The following PHACTR2 variants were observed in gnomAD, a reference collection of about 807,000 sequenced individuals.
The protein encoded by PHACTR2 is phosphatase and actin regulator 2, also known as chromosome 6 open reading frame 56.
A neutral mutation model predicts 76.0 loss-of-function variants in PHACTR2; 30 were observed. That is an observed-to-expected ratio of 0.39 (90% confidence interval 0.30 to 0.54). The LOEUF is 0.54. Among genes scored for constraint, PHACTR2 ranks in the 20% least tolerant of loss-of-function variants. PHACTR2 has a pLI of 0.61. For synonymous variants in PHACTR2, 292 were observed against 292.5 expected, an observed-to-expected ratio of 1.00 and a Z score of 0.02; for missense variants, 696 against 781.1, an observed-to-expected ratio of 0.89 and a Z score of 1.30.
At chr6:143,640,432 A>G (rs1188724796) in intron 1 of PHACTR2, among the ~76,000 whole-genome samples, 1 of 152,216 alleles carries the variant, frequency 6.6e-6, no homozygotes, top group African/African-American at 2.4e-5. Context: ...AAAGACTTAC[A>G]GAGAGACATA....
rs758259551 is a variant in PHACTR2, at chr6:143,753,836, A to G, written c.378A>G (p.Val126=). The G allele has an allele frequency of 1.9e-6, 3 of 1,613,204 alleles. No homozygotes were observed. In the Admixed American group the frequency reaches 5.0e-5, roughly 27 times the overall value. Residue 126 remains valine, a synonymous_variant, in exon 4 of 13, where the codon GTA becomes GTG. Transcript: ENST00000440869. This position sits in a 1 kb window ranked among gnomAD's most constrained non-coding sequence, Gnocchi z 4.6. The part of the protein sequence containing the change: ...IGEESTREEN[V]VKSEEGNGSV... ...AGGAATCTACCCGAGAGGAAAATGT[A>G]GTAAAGTCTGAAGAAGGTAATGGCT... is the stretch of plus-strand genomic sequence containing the variant.
At chr6:143,582,770 A>C (rs1158672269) in intron 1 of PHACTR2, among the ~76,000 whole-genome samples, 1 of 152,172 alleles carries the variant, frequency 6.6e-6, no homozygotes, top group Non-Finnish European at 1.5e-5. Context: ...TAGCTCTCCA[A>C]ATTATTTAGC....
intron 1 of PHACTR2, among the ~76,000 whole-genome samples, chr6:143,637,658 G>C (rs1424483488): frequency 1.3e-5 from 2 of 152,238 alleles, no homozygotes; most frequent in African/African-American, 4.8e-5. Context: ...GTGGAGGCTT[G>C]ACTGGGGAAA....
At position 143,698,910 on chromosome 6, in the gene PHACTR2, C is replaced by A. The variant is rs1336030374; in HGVS notation, c.47-13106C>A. On this transcript the variant is annotated intron_variant, in intron 1 of 12. Coordinates refer to ENST00000440869, the MANE Select transcript of PHACTR2 (RefSeq NM_001100164.2). The surrounding 1 kb of genome is among the most constrained non-coding windows in gnomAD (Gnocchi z 4.3). Reference sequence around the variant, plus strand: ...CTCCTCTCCCTTGGATTGTCCGAACCCTGGGTCTCCTTGGCAACACTGTTG... The same window carrying A: ...CTCCTCTCCCTTGGATTGTCCGAACACTGGGTCTCCTTGGCAACACTGTTG... Among the ~76,000 whole-genome samples, 1 of 152,158 alleles carries A rather than the reference C, an allele frequency of 6.6e-6. No individual in the cohort carries two copies. The highest frequency in any genetic ancestry group is 1.5e-5 in the Non-Finnish European group (1 of 68,040).
rs1045878356 is a variant in PHACTR2 at position 143,653,297 on chromosome 6, T to C, written c.13+44975T>C. 6.6e-6 allele frequency among the ~76,000 whole-genome samples: 1 copy of C among 152,148 alleles called. No individual in the cohort carries two copies. Among genetic ancestry groups the C allele is most frequent in the Non-Finnish European group, 1.5e-5 (1 of 68,028 alleles). ...ACTTGGTTTTTCCACTCTTGTAAAA[T>C]GAAGGCTGCTCTGACTCCTGCCTGC... is the stretch of plus-strand genomic sequence containing the variant. On this transcript the variant is annotated intron_variant, in intron 1 of 11. Coordinates refer to the PHACTR2 transcript ENST00000305766. The surrounding 1 kb of genome is among the most constrained non-coding windows in gnomAD (Gnocchi z 4.9).
At position 143,581,220 on chromosome 6, in the gene PHACTR2, T is replaced by TA. The variant is rs561331301; in HGVS notation, c.217+44014dup. Among the ~76,000 whole-genome samples, 100 of 152,316 alleles carry TA rather than the reference T, an allele frequency of 6.6e-4. No homozygotes were observed. The highest frequency in any genetic ancestry group is 3.4e-3 in the Middle Eastern group (1 of 294). On this transcript the variant is annotated intron_variant, in intron 1 of 11. Transcript: ENST00000367584. The surrounding 1 kb of genome is among the most constrained non-coding windows in gnomAD (Gnocchi z 4.5). ...CTCCGTGTGGACAGGGGATGAGGGT[T>TA]ACCTGGTTTCTGCTCCTTTGACTAT...
Position 143,827,157 on chromosome 6 carries a change from TATA to T in PHACTR2, c.*3469_*3471del, listed in dbSNP as rs1247553423. 9.7e-5 allele frequency: 2 copies of T among 20,550 alleles called. No individual in the cohort carries two copies. Among genetic ancestry groups the T allele is most frequent in the African/African-American group, 2.0e-4 (1 of 5,088 alleles). The allele number at this position is 20,550 out of a possible 1,614,324, so 1.3% of individuals were successfully genotyped here. A position where few individuals can be genotyped will look rare whatever the true frequency, so the allele number is the denominator to read the frequency against. On this transcript the variant is annotated 3_prime_UTR_variant, in exon 13 of 13. Transcript: ENST00000440869. ...GCTGCGTTGGCATTAAAAAAGAAAA[TATA>T]TATATATATATATATATATATATAT... is the stretch of plus-strand genomic sequence containing the variant.
chr6:143,693,652 C>A (rs1562272343), intron 1 of PHACTR2, among the ~76,000 whole-genome samples: 1 of 152,172 alleles, frequency 6.6e-6, no homozygotes, highest in Non-Finnish European at 1.5e-5. Flanking sequence ...CATCCATTGT[C>A]TTTTTTCTGA....
At chr6:143,644,759 GT>G (rs1230383417) in intron 1 of PHACTR2, among the ~76,000 whole-genome samples, 3,084 of 128,952 alleles carry the variant, frequency 0.024, 40 homozygotes, top group Non-Finnish European at 0.028. Flanking sequence ...CTTAGGGTTT[GT>G]TTTTTTTTTT....
In PHACTR2 at chr6:143,751,146, C is replaced by T. The variant is rs140732453; in HGVS notation, c.295+2081C>T. Among the ~76,000 whole-genome samples, 9 of 152,294 alleles carry T rather than the reference C, an allele frequency of 5.9e-5. No homozygotes were observed. The highest frequency in any genetic ancestry group is 1.9e-4 in the East Asian group (1 of 5,186). On this transcript the variant is annotated intron_variant, in intron 3 of 12. Coordinates refer to ENST00000440869, the MANE Select transcript of PHACTR2 (RefSeq NM_001100164.2). The surrounding 1 kb of genome is among the most constrained non-coding windows in gnomAD (Gnocchi z 5.7). ...GTTTGCCTTGATCTTCTTGACCTTGCGTCTGCTCTTGACAGTGCCTGTCCA... is the reference window on the plus strand; with the variant it reads ...GTTTGCCTTGATCTTCTTGACCTTGTGTCTGCTCTTGACAGTGCCTGTCCA...
At chr6:143,538,278 T>C (rs1356041665) in intron 1 of PHACTR2, among the ~76,000 whole-genome samples, 14 of 152,232 alleles carry the variant, frequency 9.2e-5, no homozygotes, top group Non-Finnish European at 1.8e-4. Flanking sequence ...CTTAACCTTG[T>C]CTCTCCTATC....
At chr6:143,587,559 T>A (rs755108680) in intron 1 of PHACTR2, among the ~76,000 whole-genome samples, 2 of 152,202 alleles carry the variant, frequency 1.3e-5, no homozygotes, top group African/African-American at 2.4e-5. Flanking sequence ...GCAAGTGGAA[T>A]GATTAAGTCC....
At chr6:143,785,429 C>T (rs1775533266) in intron 10 of PHACTR2, among the ~76,000 whole-genome samples, 1 of 152,184 alleles carries the variant, frequency 6.6e-6, no homozygotes, top group Non-Finnish European at 1.5e-5. Context: ...GGTACAGCCT[C>T]CCTCTTGGCT....
rs1777744770 is a variant in PHACTR2 at position 143,695,211 on chromosome 6, C to A, written c.47-16805C>A. 6.6e-6 allele frequency among the ~76,000 whole-genome samples: 1 copy of A among 152,190 alleles called. No individual in the cohort carries two copies. Among genetic ancestry groups the A allele is most frequent in the African/African-American group, 2.4e-5 (1 of 41,448 alleles). On this transcript the variant is annotated intron_variant, in intron 1 of 12. Transcript: ENST00000440869. The surrounding 1 kb of genome is among the most constrained non-coding windows in gnomAD (Gnocchi z 4.4). ...AGACTCACTTCTCTTAGGCCCTGAT[C>A]CGAATCCAGATTATGATGGATTGGG...
rs1308418682 is a variant in PHACTR2, at chr6:143,801,937, T to G, written c.1846-5120T>G. Among the ~76,000 whole-genome samples the G allele has an allele frequency of 6.6e-6, 1 of 152,142 alleles. No homozygotes were observed. Among genetic ancestry groups the G allele is most frequent in the Non-Finnish European group, 1.5e-5 (1 of 68,024 alleles). On this transcript the variant is annotated intron_variant, in intron 11 of 12. Coordinates refer to ENST00000440869, the MANE Select transcript of PHACTR2 (RefSeq NM_001100164.2). This position sits in a 1 kb window ranked among gnomAD's most constrained non-coding sequence, Gnocchi z 4.6. The stretch of plus-strand genomic sequence containing the variant: ...TACTATTCCTTTCTGTTTGCTCATT[T>G]TCCTTCTAACAGATAGGCCCCTCAG...
At chr6:143,622,698 T>C (rs935372401) in intron 1 of PHACTR2, among the ~76,000 whole-genome samples, 1 of 152,216 alleles carries the variant, frequency 6.6e-6, no homozygotes, top group Non-Finnish European at 1.5e-5. Context: ...TAAAAATCCT[T>C]ATCAACCCAG....
chr6:143,672,933 C>T lies in PHACTR2; in HGVS notation c.14-39083C>T, dbSNP rs983439555. Among the ~76,000 whole-genome samples, 11 of 152,074 alleles carry T rather than the reference C, an allele frequency of 7.2e-5. No individual in the cohort carries two copies. Among genetic ancestry groups the T allele is most frequent in the Admixed American group, 4.6e-4 (7 of 15,260 alleles). ...AGAGACAGGGTTTCACCATGTTGGCCAGGCTGGTCTCAAGCTCCTGACCTC... is the reference window on the plus strand; with the variant it reads ...AGAGACAGGGTTTCACCATGTTGGCTAGGCTGGTCTCAAGCTCCTGACCTC... On this transcript the variant is annotated intron_variant, in intron 1 of 11. Coordinates refer to the PHACTR2 transcript ENST00000305766. The surrounding 1 kb of genome is among the most constrained non-coding windows in gnomAD (Gnocchi z 5.8).
rs1022815107 is a variant in PHACTR2 at position 143,822,518 on chromosome 6, G to T, written c.1923-1156G>T. ...CCATATCTAATTAAAAATAAAAAAAGATTTTAAAAACCCCAAGAACTGAAA... is the reference window on the plus strand; with the variant it reads ...CCATATCTAATTAAAAATAAAAAAATATTTTAAAAACCCCAAGAACTGAAA... On this transcript the variant is annotated intron_variant, in intron 12 of 12. Coordinates refer to ENST00000440869, the MANE Select transcript of PHACTR2 (RefSeq NM_001100164.2). The surrounding 1 kb of genome is among the most constrained non-coding windows in gnomAD (Gnocchi z 5.5). Among the ~76,000 whole-genome samples, 1 of 152,100 alleles carries T rather than the reference G, an allele frequency of 6.6e-6. No individual in the cohort carries two copies. Among genetic ancestry groups the T allele is most frequent in the African/African-American group, 2.4e-5 (1 of 41,410 alleles).
At chr6:143,575,699 A>T (rs1775498180) in intron 1 of PHACTR2, among the ~76,000 whole-genome samples, 1 of 152,244 alleles carries the variant, frequency 6.6e-6, no homozygotes, top group African/African-American at 2.4e-5. Flanking sequence ...TTGAGAAGCA[A>T]TATGAGATAA....
Sources: gnomAD v4.1 joint callset for allele counts (sites outside exome capture counted in the v4.1 genomes callset) on GRCh38, gnomAD v4.1.1 for gene constraint, Gnocchi (gnomAD v3.1) non-coding constraint, MANE v1.5 for transcripts, NCBI Gene and HGNC (gene_info 2026-07-23, HGNC 2026-07-21) for gene names.